The following XIRP2 variants were observed in gnomAD, a reference collection of about 807,000 sequenced individuals.
XIRP2 encodes xin actin-binding repeat-containing protein 2.
A neutral mutation model predicts 277.0 loss-of-function variants in XIRP2; 236 were observed. The observed-to-expected ratio is 0.85, with a 90% CI of 0.77 to 0.95. The LOEUF (loss-of-function observed/expected upper bound fraction) is 0.95, where lower values mean the gene tolerates loss of function less well. Among genes scored for constraint, XIRP2 ranks in the 40% least tolerant of loss-of-function variants. The probability of loss-of-function intolerance (pLI) is 0.00; values close to 1 mark genes in which losing one functional copy is unlikely to be tolerated. For synonymous variants in XIRP2, 1,490 were observed against 1,416.5 expected (o/e 1.05, Z -1.17); for missense variants, 4,640 against 4,157.5 (o/e 1.12, Z -3.19).
intron 2 of XIRP2, among the ~76,000 whole-genome samples, chr2:166,951,210 CT>C (rs1686022778): frequency 6.6e-6 from 1 of 152,016 alleles, no homozygotes. Context: ...TTAGGCCATT[CT>C]TGCACTGCTA....
chr2:167,255,335 T>G (rs1364564895), intron 10 of XIRP2, among the ~76,000 whole-genome samples: 1 of 151,798 alleles, frequency 6.6e-6, no homozygotes, highest in Non-Finnish European at 1.5e-5. Context: ...ATATGCCCCA[T>G]TTTCTTCTAT....
intron 2 of XIRP2, among the ~76,000 whole-genome samples, chr2:166,910,007 G>A (rs919059538): frequency 3.9e-5 from 6 of 152,112 alleles, no homozygotes; most frequent in Non-Finnish European, 5.9e-5. Context: ...TGCTGGATTC[G>A]GTTTGCCAGT....
chr2:166,951,037 A>G (rs1388469620), intron 2 of XIRP2, among the ~76,000 whole-genome samples: 2 of 152,086 alleles, frequency 1.3e-5, no homozygotes, highest in Non-Finnish European at 2.9e-5. Flanking sequence ...TTTGGTCCCA[A>G]CAGTCTCCAA....
At chr2:167,020,311 A>G (rs1244462061) in intron 2 of XIRP2, among the ~76,000 whole-genome samples, 1 of 152,028 alleles carries the variant, frequency 6.6e-6, no homozygotes, top group Non-Finnish European at 1.5e-5. Flanking sequence ...ATATGTTTAT[A>G]TACTATTAAA....
At chr2:167,027,263 A>G (rs992532974) in intron 2 of XIRP2, among the ~76,000 whole-genome samples, 1 of 151,974 alleles carries the variant, frequency 6.6e-6, no homozygotes, top group Non-Finnish European at 1.5e-5. Context: ...TTCACCTTCC[A>G]TCACTGATAC....
chr2:167,017,114 A>G (rs909911782), intron 2 of XIRP2, among the ~76,000 whole-genome samples: 1 of 151,874 alleles, frequency 6.6e-6, no homozygotes, highest in Admixed American at 6.6e-5. Context: ...TAATTCAGGG[A>G]TTAGTTCCTC....
chr2:167,134,380 T>C (rs929262742), intron 2 of XIRP2, among the ~76,000 whole-genome samples: 3 of 151,864 alleles, frequency 2.0e-5, no homozygotes, highest in Admixed American at 6.6e-5. Flanking sequence ...CATGTGTGTA[T>C]ATATTATATA....
At chr2:167,048,438 C>T (rs1220920013) in intron 2 of XIRP2, among the ~76,000 whole-genome samples, 1 of 151,892 alleles carries the variant, frequency 6.6e-6, no homozygotes, top group East Asian at 1.9e-4. Context: ...TCTGATGATT[C>T]TAATAATCCA....
At chr2:167,083,234 G>C (rs2105264652) in intron 2 of XIRP2, among the ~76,000 whole-genome samples, 1 of 152,128 alleles carries the variant, frequency 6.6e-6, no homozygotes. Flanking sequence ...TCTCAGGTTT[G>C]TCAAAGATCA....
intron 2 of XIRP2, among the ~76,000 whole-genome samples, chr2:167,025,271 G>T (rs1047448079): frequency 4.6e-5 from 7 of 152,242 alleles, no homozygotes; most frequent in Admixed American, 1.3e-4. Context: ...TCTGATGGTA[G>T]TTTGTATTTC....
At chr2:167,215,914 T>A (rs1375231779) in intron 4 of XIRP2, among the ~76,000 whole-genome samples, 1 of 152,104 alleles carries the variant, frequency 6.6e-6, no homozygotes, top group Non-Finnish European at 1.5e-5. Context: ...TCAAATTGCT[T>A]CCAATGATAC....
At position 167,246,417 on chromosome 2, in the gene XIRP2, A is replaced by G. The variant is rs1280399432; in HGVS notation, c.5025A>G (p.Lys1675=). ...NLFSEERSVK[K]GILIQEDEKG... Reference sequence around the variant, plus strand: ...TCTCTGAGGAAAGATCTGTAAAGAAAGGCATCTTAATTCAGGAAGATGAAA... The same window carrying G: ...TCTCTGAGGAAAGATCTGTAAAGAAGGGCATCTTAATTCAGGAAGATGAAA... The change falls in exon 9 of 11, where the codon AAA becomes AAG. Residue 1675 remains lysine, a synonymous_variant. Coordinates refer to ENST00000409195, the MANE Select transcript of XIRP2 (RefSeq NM_152381.6). 1.2e-6 allele frequency: 2 copies of G among 1,613,614 alleles called. No homozygotes were observed. The highest frequency in any genetic ancestry group is 1.7e-6 in the Non-Finnish European group (2 of 1,179,788).
chr2:167,251,209 C>T lies in XIRP2; in HGVS notation c.9817C>T (p.His3273Tyr). 2 of 1,613,506 alleles carry T rather than the reference C, an allele frequency of 1.2e-6. No homozygotes were observed. Among genetic ancestry groups the T allele is most frequent in the Non-Finnish European group, 1.7e-6 (2 of 1,179,700 alleles). The change falls in exon 9 of 11, where the codon CAT (histidine) becomes TAT (tyrosine). Residue 3273 changes from histidine to tyrosine, a missense_variant. Physicochemically the swap from His to Tyr is moderately conservative, Grantham distance 83 (BLOSUM62 2). Coordinates refer to ENST00000409195, the MANE Select transcript of XIRP2 (RefSeq NM_152381.6). ...RKVEKRATYV[H>Y]KDGLNSTDHM... ...AGTGGAGAAGAGAGCTACTTATGTT[C>T]ATAAAGATGGACTAAATTCCACTGA...
In XIRP2 at chr2:167,079,426, C is replaced by G. The variant is rs373603850; in HGVS notation, c.409-56483C>G. 2.1e-4 allele frequency among the ~76,000 whole-genome samples: 32 copies of G among 152,246 alleles called. No homozygotes were observed. The South Asian group carries it at 5.6e-3, about 27-fold the overall frequency. ...GAATTGGTACCAGCTCTTCTTTGTA[C>G]GTCTGGTAGAATTCGGCTGTGAATT... On this transcript the variant is annotated intron_variant, in intron 2 of 10. Coordinates refer to ENST00000409195, the MANE Select transcript of XIRP2 (RefSeq NM_152381.6).
intron 2 of XIRP2, among the ~76,000 whole-genome samples, chr2:166,956,194 C>T (rs770062735): frequency 9.2e-5 from 14 of 151,730 alleles, no homozygotes; most frequent in Non-Finnish European, 1.8e-4. Context: ...AAGCGTGCGT[C>T]GATCAATCAC....
chr2:167,056,613 G>C (rs1020341509), intron 2 of XIRP2, among the ~76,000 whole-genome samples: 1 of 152,108 alleles, frequency 6.6e-6, no homozygotes, highest in Non-Finnish European at 1.5e-5. Flanking sequence ...TGATACTTTT[G>C]TGAGCTTGGA....
At chr2:166,962,387 CA>C (rs1004819461) in intron 2 of XIRP2, among the ~76,000 whole-genome samples, 22 of 151,650 alleles carry the variant, frequency 1.5e-4, no homozygotes, top group African/African-American at 5.3e-4. Context: ...CAGCAGCTTA[CA>C]GGGGGGTAAT....
At chr2:167,074,633 TGC>T (rs1020494427) in intron 2 of XIRP2, among the ~76,000 whole-genome samples, 1 of 133,978 alleles carries the variant, frequency 7.5e-6, no homozygotes, top group African/African-American at 3.5e-5. Context: ...CATGTGTGTG[TGC>T]GTGTGTGTGT....
At chr2:166,961,481 T>C (rs1000679153) in intron 2 of XIRP2, among the ~76,000 whole-genome samples, 2 of 151,830 alleles carry the variant, frequency 1.3e-5, no homozygotes, top group Non-Finnish European at 2.9e-5. Context: ...TGAATTAGCC[T>C]TCAAACAGCT....
Sources: gnomAD v4.1 joint callset for allele counts (sites outside exome capture counted in the v4.1 genomes callset) on GRCh38, gnomAD v4.1.1 for gene constraint, MANE v1.5 for transcripts, NCBI Gene and HGNC (gene_info 2026-07-23, HGNC 2026-07-21) for gene names.